DCC: variants seen among roughly 807,000 people sequenced by gnomAD.
DCC encodes netrin receptor DCC.
In DCC, 58 loss-of-function variants were observed where a neutral mutation model predicts 172.5. That is an observed-to-expected ratio of 0.34 (90% CI 0.27 to 0.42). The LOEUF (loss-of-function observed/expected upper bound fraction) is 0.42. Among genes scored for constraint, DCC ranks in the 10% least tolerant of loss-of-function variants. The pLI, the probability that DCC is intolerant of heterozygous loss-of-function variation, is 1.00. For synonymous variants in DCC, 709 were observed against 644.5 expected, an observed-to-expected ratio of 1.10 and a Z score of -1.52; for missense variants, 1,740 against 1,791.0, an observed-to-expected ratio of 0.97 and a Z score of 0.51.
At chr18:52,519,319 G>A (rs1274472239) in intron 1 of DCC, among the ~76,000 whole-genome samples, 14 of 152,184 alleles carry the variant, frequency 9.2e-5, no homozygotes, top group Admixed American at 9.2e-4. Context: ...TTTGTTAAGT[G>A]CAGTGCAGTT....
chr18:53,439,769 C>CTTTTTTTTTTTTTTTTT, intron 22 of DCC, among the ~76,000 whole-genome samples: 1 of 127,214 alleles, frequency 7.9e-6, no homozygotes, highest in Non-Finnish European at 1.7e-5. Context: ...TAGTATTTTT[C>CTTTTTTTTTTTTTTTTT]TTTTTTTTTT....
intron 27 of DCC, among the ~76,000 whole-genome samples, chr18:53,511,574 A>ATGTC (rs1479916865): frequency 1.3e-5 from 2 of 152,206 alleles, no homozygotes; most frequent in African/African-American, 4.8e-5. Context: ...AGGGAGTGCC[A>ATGTC]GACAGTGGGC....
intron 22 of DCC, among the ~76,000 whole-genome samples, chr18:53,448,388 G>A (rs1568138253): frequency 6.6e-6 from 1 of 152,106 alleles, no homozygotes; most frequent in Non-Finnish European, 1.5e-5. Flanking sequence ...CAAAAGGGGG[G>A]AAAGGACCTT....
chr18:52,543,935 G>A (rs1272130281), intron 1 of DCC, among the ~76,000 whole-genome samples: 1 of 152,138 alleles, frequency 6.6e-6, no homozygotes, highest in African/African-American at 2.4e-5. Flanking sequence ...ATAGGTCACA[G>A]GTCTCTCTCA....
intron 1 of DCC, among the ~76,000 whole-genome samples, chr18:52,471,625 G>T (rs534206329): frequency 6.6e-6 from 1 of 152,096 alleles, no homozygotes; most frequent in South Asian, 2.1e-4. Flanking sequence ...CTGAAATCCC[G>T]GCATGAGGGA....
intron 5 of DCC, among the ~76,000 whole-genome samples, chr18:53,047,929 GTGTA>G (rs1181941771): frequency 1.4e-5 from 2 of 145,510 alleles, no homozygotes; most frequent in African/African-American, 5.3e-5. Flanking sequence ...GTGTGTGTGT[GTGTA>G]TAGTTTATGT....
At chr18:52,510,716 A>T (rs887113216) in intron 1 of DCC, among the ~76,000 whole-genome samples, 1 of 152,166 alleles carries the variant, frequency 6.6e-6, no homozygotes, top group African/African-American at 2.4e-5. Flanking sequence ...TTGTGCCCTT[A>T]TCGTAGGGAA....
At chr18:52,739,682 A>T (rs2036786588) in intron 1 of DCC, among the ~76,000 whole-genome samples, 1 of 152,218 alleles carries the variant, frequency 6.6e-6, no homozygotes, top group African/African-American at 2.4e-5. Context: ...AAAATGTATC[A>T]CTAGCTCTAA....
chr18:53,128,929 C>T (rs576540058), intron 7 of DCC, among the ~76,000 whole-genome samples: 102 of 145,396 alleles, frequency 7.0e-4, no homozygotes, highest in Non-Finnish European at 1.3e-3. Flanking sequence ...CTTTGTCATC[C>T]GGGCTGGAGT....
intron 1 of DCC, among the ~76,000 whole-genome samples, chr18:52,632,564 T>A (rs2034697048): frequency 6.6e-6 from 1 of 152,206 alleles, no homozygotes; most frequent in Non-Finnish European, 1.5e-5. Flanking sequence ...GGTAGCTGAG[T>A]AAATTTAAGG....
intron 1 of DCC, among the ~76,000 whole-genome samples, chr18:52,538,179 T>C (rs2032339846): frequency 1.3e-5 from 2 of 152,178 alleles, no homozygotes; most frequent in Admixed American, 1.3e-4. Flanking sequence ...CCAGTAGTCT[T>C]GCCTGCTTAC....
chr18:52,747,645 T>C (rs2036926286), intron 1 of DCC, among the ~76,000 whole-genome samples: 1 of 152,190 alleles, frequency 6.6e-6, no homozygotes, highest in South Asian at 2.1e-4. Flanking sequence ...AGTTTTATCA[T>C]CTCTGTCTTC....
chr18:52,550,959 A>G (rs957986428), intron 1 of DCC, among the ~76,000 whole-genome samples: 3 of 152,016 alleles, frequency 2.0e-5, no homozygotes, highest in African/African-American at 4.8e-5. Flanking sequence ...TTTTAAAAAA[A>G]TGAATGCTAA....
chr18:52,968,194 G>A (rs1335737991), intron 5 of DCC, among the ~76,000 whole-genome samples: 7 of 152,148 alleles, frequency 4.6e-5, no homozygotes, highest in Non-Finnish European at 8.8e-5. Flanking sequence ...AATGGATCAC[G>A]AGATGGAGTT....
chr18:52,910,291 C>T (rs1541287), intron 3 of DCC, among the ~76,000 whole-genome samples: 62,440 of 151,830 alleles, frequency 0.41, 13,517 homozygotes, highest in South Asian at 0.65. Context: ...AGTAGTGTTA[C>T]TGTGTTTAAA....
At chr18:53,108,707 G>A (rs374580635) in intron 7 of DCC, among the ~76,000 whole-genome samples, 24 of 151,752 alleles carry the variant, frequency 1.6e-4, no homozygotes, top group Admixed American at 1.5e-3. Context: ...TTTGTGTCTA[G>A]CCTTTTTTTC....
rs535936668 is a variant in DCC at position 52,706,454 on chromosome 18, T to C, written c.92-45600T>C. Among the ~76,000 whole-genome samples, 6 of 152,370 alleles carry C rather than the reference T, an allele frequency of 3.9e-5. No individual in the cohort carries two copies. In the South Asian group the frequency reaches 6.2e-4, roughly 16 times the overall value. ...TGCAAGTGTAACTAGGTTTCTCTTA[T>C]TGCTTTGTAGCTATTTGTGAACATT... On this transcript the variant is annotated intron_variant, in intron 1 of 28. Coordinates refer to ENST00000442544, the MANE Select transcript of DCC (RefSeq NM_005215.4).
At chr18:53,132,073 G>A (rs1190758779) in intron 7 of DCC, among the ~76,000 whole-genome samples, 1 of 144,106 alleles carries the variant, frequency 6.9e-6, no homozygotes, top group Non-Finnish European at 1.5e-5. Flanking sequence ...CACTTTTATA[G>A]TGAAAGTGTG....
intron 8 of DCC, among the ~76,000 whole-genome samples, chr18:53,174,990 G>C (rs909555036): frequency 2.6e-5 from 4 of 151,978 alleles, no homozygotes; most frequent in Admixed American, 2.0e-4. Context: ...GATCAAGTGG[G>C]CTTCATCCCT....
Sources: allele counts gnomAD v4.1 joint callset (sites outside exome capture counted in the v4.1 genomes callset), GRCh38; gene constraint gnomAD v4.1.1; transcripts MANE v1.5; gene names NCBI Gene and HGNC (gene_info 2026-07-23, HGNC 2026-07-21).